RNF220: variants seen among roughly 807,000 people sequenced by gnomAD.
RNF220 encodes the protein ring finger protein 220, also known as E3 ubiquitin-protein ligase RNF220.
A neutral mutation model predicts 67.1 loss-of-function variants in RNF220; 7 were observed. The observed-to-expected ratio is 0.10, with a 90% CI of 0.06 to 0.20. The LOEUF (loss-of-function observed/expected upper bound fraction) is 0.20, where lower values mean the gene tolerates loss of function less well. RNF220 is among the 10% of genes least tolerant of loss of function. The probability of loss-of-function intolerance (pLI) is 1.00; values close to 1 mark genes in which losing one functional copy is unlikely to be tolerated. For missense variants in RNF220, 565 were observed against 740.3 expected, an observed-to-expected ratio of 0.76 and a Z score of 2.75; for synonymous variants, 270 against 283.2, an observed-to-expected ratio of 0.95 and a Z score of 0.47.
chr1:44,439,024 T>G (rs1651280315), intron 2 of RNF220, among the ~76,000 whole-genome samples: 1 of 152,270 alleles, frequency 6.6e-6, no homozygotes, highest in Non-Finnish European at 1.5e-5. Flanking sequence ...CTAATTAGGA[T>G]GTTTCCAGCT....
intron 2 of RNF220, chr1:44,423,888 A>G (rs1285266377): frequency 4.1e-6 from 4 of 985,318 alleles, no homozygotes; most frequent in African/African-American, 1.7e-5. Context: ...GGAAAAAAAG[A>G]AAGCGAAGCA....
chr1:44,453,507 C>G (rs546036567), intron 2 of RNF220, among the ~76,000 whole-genome samples: 1 of 151,916 alleles, frequency 6.6e-6, no homozygotes, highest in Admixed American at 6.6e-5. Context: ...CTCTTAAAAT[C>G]AGGAATGGAT....
rs770199697 is a variant in RNF220, at chr1:44,649,999, G to GC, written c.1629+43dup. 1 of 1,593,348 alleles carries GC rather than the reference G, an allele frequency of 6.3e-7. No homozygotes were observed. Among genetic ancestry groups the GC allele is most frequent in the Non-Finnish European group, 8.6e-7 (1 of 1,166,658 alleles). ...GTCGGGGAATGGGAGGCCGCTCCGGGCACTGCCCAGATGTCTGTGCTTATG... is the reference window on the plus strand; with the variant it reads ...GTCGGGGAATGGGAGGCCGCTCCGGGCCACTGCCCAGATGTCTGTGCTTATG... On this transcript the variant is annotated intron_variant, in intron 14 of 14. Transcript: ENST00000361799. This position sits in a 1 kb window ranked among gnomAD's most constrained non-coding sequence, Gnocchi z 5.9.
chr1:44,506,381 C>A (rs1658426295), intron 2 of RNF220, among the ~76,000 whole-genome samples: 1 of 152,270 alleles, frequency 6.6e-6, no homozygotes, highest in African/African-American at 2.4e-5. Context: ...GTCCATCACA[C>A]CAAGGCAGGA....
At chr1:44,602,941 C>T (rs1233346740) in intron 2 of RNF220, among the ~76,000 whole-genome samples, 4 of 152,054 alleles carry the variant, frequency 2.6e-5, no homozygotes, top group Non-Finnish European at 4.4e-5. Context: ...CGCCCGGCTG[C>T]CTGCTCCCTG....
chr1:44,572,228 AT>A (rs972256124), intron 2 of RNF220, among the ~76,000 whole-genome samples: 5 of 152,240 alleles, frequency 3.3e-5, no homozygotes, highest in Admixed American at 6.5e-5. Context: ...CCTTTGTGGC[AT>A]TTTAAAACAT....
chr1:44,637,384 C>T (rs72671952), intron 8 of RNF220, among the ~76,000 whole-genome samples: 63 of 152,346 alleles, frequency 4.1e-4, no homozygotes, highest in African/African-American at 1.4e-3. Flanking sequence ...TCACTCATCC[C>T]GTACTGGAGC....
chr1:44,455,244 G>T (rs1351339702), intron 2 of RNF220, among the ~76,000 whole-genome samples: 1 of 152,114 alleles, frequency 6.6e-6, no homozygotes, highest in African/African-American at 2.4e-5. Flanking sequence ...CCTTTAGCGA[G>T]GGCATAGGAC....
chr1:44,505,078 A>G (rs541794312), intron 2 of RNF220, among the ~76,000 whole-genome samples: 4 of 152,178 alleles, frequency 2.6e-5, no homozygotes, highest in Admixed American at 6.5e-5. Context: ...CCCATACACT[A>G]TATGTTACTT....
chr1:44,473,608 G>A (rs2147999428), intron 2 of RNF220, among the ~76,000 whole-genome samples: 1 of 152,238 alleles, frequency 6.6e-6, no homozygotes, highest in African/African-American at 2.4e-5. Context: ...GTGTTCCTCT[G>A]TTCCTTTCTG....
rs71665956 is a variant in RNF220, at chr1:44,625,026, T to TGAGAGAGAGA, written c.805-1248_805-1239dup. Among the ~76,000 whole-genome samples the TGAGAGAGAGA allele has an allele frequency of 4.1e-4, 61 of 147,476 alleles. 1 individual carries two copies. In the South Asian group the frequency reaches 8.0e-3, roughly 19 times the overall value. Reference sequence around the variant, plus strand: ...CTCAGGGCTTCTAACCTAGAGAGAATGAGAGAGAGAGAGAGAGAGAGAGAG... The same window carrying TGAGAGAGAGA: ...CTCAGGGCTTCTAACCTAGAGAGAATGAGAGAGAGAGAGAGAGAGAGAGAGAGAGAGAGAG... On this transcript the variant is annotated intron_variant, in intron 4 of 14. Coordinates refer to ENST00000361799, the MANE Select transcript of RNF220 (RefSeq NM_018150.4).
intron 2 of RNF220, among the ~76,000 whole-genome samples, chr1:44,435,400 A>G (rs967517951): frequency 7.9e-5 from 12 of 152,228 alleles, no homozygotes; most frequent in Admixed American, 3.9e-4. Context: ...TATTTATAAC[A>G]TGGTGCCTGA....
At chr1:44,601,786 A>G (rs758591118) in intron 2 of RNF220, among the ~76,000 whole-genome samples, 5 of 152,154 alleles carry the variant, frequency 3.3e-5, no homozygotes, top group Non-Finnish European at 5.9e-5. Context: ...GAGCATGCAA[A>G]AGGATTGTTT....
At chr1:44,521,277 T>C (rs1040169895) in intron 2 of RNF220, among the ~76,000 whole-genome samples, 1 of 152,180 alleles carries the variant, frequency 6.6e-6, no homozygotes, top group Non-Finnish European at 1.5e-5. Flanking sequence ...AAGATATCTA[T>C]TCAGCAAACA....
At chr1:44,494,038 C>T (rs1411759130) in intron 2 of RNF220, among the ~76,000 whole-genome samples, 2 of 151,982 alleles carry the variant, frequency 1.3e-5, no homozygotes, top group Non-Finnish European at 2.9e-5. Context: ...GAAACCCCAT[C>T]TCTACTAAAA....
At chr1:44,409,285 G>A (rs1164903627) in intron 1 of RNF220, among the ~76,000 whole-genome samples, 1 of 152,182 alleles carries the variant, frequency 6.6e-6, no homozygotes, top group Admixed American at 6.5e-5. Flanking sequence ...TGGTCCCTCC[G>A]TCCAACCTCA....
At chr1:44,442,860 C>T (rs1316877872) in intron 2 of RNF220, among the ~76,000 whole-genome samples, 1 of 152,106 alleles carries the variant, frequency 6.6e-6, no homozygotes, top group Non-Finnish European at 1.5e-5. Flanking sequence ...AATCTTGCTT[C>T]TTTATGTCTC....
At chr1:44,613,065 T>A (rs1250431315) in intron 2 of RNF220, among the ~76,000 whole-genome samples, 1 of 148,974 alleles carries the variant, frequency 6.7e-6, no homozygotes, top group Non-Finnish European at 1.5e-5. Context: ...TGCAGGGATG[T>A]TTCTGGATTA....
chr1:44,424,165 A>G (rs192931933), intron 2 of RNF220: 502 of 248,702 alleles, frequency 2.0e-3, no homozygotes, highest in Admixed American at 4.3e-3. Flanking sequence ...GTATATATGA[A>G]AAAGAAATGA....
Sources: allele counts gnomAD v4.1 joint callset (sites outside exome capture counted in the v4.1 genomes callset), GRCh38; gene constraint gnomAD v4.1.1; non-coding constraint Gnocchi (gnomAD v3.1); transcripts MANE v1.5; gene names NCBI Gene and HGNC (gene_info 2026-07-23, HGNC 2026-07-21).